PTPDC1: variants seen among roughly 807,000 people sequenced by gnomAD.
PTPDC1 encodes the protein protein tyrosine phosphatase domain containing 1, also known as protein tyrosine phosphatase domain-containing protein 1.
A neutral mutation model predicts 75.3 loss-of-function variants in PTPDC1; 53 were observed. The ratio of observed to expected loss-of-function variants is 0.70; its 90% CI spans 0.56 to 0.88. The LOEUF is 0.88. PTPDC1 is among the 40% of genes least tolerant of loss of function. PTPDC1 has a pLI of 0.00. For missense variants in PTPDC1, 925 were observed against 998.6 expected (o/e 0.93, Z 0.99); for synonymous variants, 349 against 366.2 (o/e 0.95, Z 0.54).
At chr9:94,030,842 G>C (rs1176007633) in exon 1 of PTPDC1, 2 of 152,186 alleles carry the variant, frequency 1.3e-5, no homozygotes, top group Non-Finnish European at 2.9e-5. Context: ...CAGCAGGGGC[G>C]CCCCGCCACG....
chr9:94,072,182 A>G (rs532564558), intron 2 of PTPDC1, among the ~76,000 whole-genome samples: 2 of 152,076 alleles, frequency 1.3e-5, no homozygotes, highest in South Asian at 4.2e-4. Context: ...TAATTTTTGT[A>G]TTTTTAGCAG....
chr9:94,094,315 T>C (rs967307981), intron 4 of PTPDC1, among the ~76,000 whole-genome samples: 2 of 149,962 alleles, frequency 1.3e-5, no homozygotes, highest in Non-Finnish European at 3.0e-5. Flanking sequence ...GACCCTCAGC[T>C]GCAGGTCTGT....
At chr9:94,087,780 G>A (rs1012008067) in intron 2 of PTPDC1, 51 bp from the exon 3 acceptor site, 14 of 1,328,900 alleles carry the variant, frequency 1.1e-5, no homozygotes, top group African/African-American at 1.4e-5. Context: ...TCTTTGGACT[G>A]GAACTTCCTA....
At chr9:94,087,701 C>G (rs1412942273) in intron 2 of PTPDC1, 130 bp from the exon 3 acceptor site, 1 of 664,310 alleles carries the variant, frequency 1.5e-6, no homozygotes, top group Non-Finnish European at 2.7e-6. Context: ...AAAATTTATA[C>G]ACAAAAAAGA....
intron 1 of PTPDC1, among the ~76,000 whole-genome samples, chr9:94,051,942 A>G (rs1825803771): frequency 6.6e-6 from 1 of 152,104 alleles, no homozygotes; most frequent in African/African-American, 2.4e-5. Flanking sequence ...AGGAGGAAGC[A>G]TAGGTTATTG....
At chr9:94,100,264 T>A (rs1827790936) in intron 6 of PTPDC1, 1 of 152,302 alleles carries the variant, frequency 6.6e-6, no homozygotes, top group Non-Finnish European at 1.5e-5. Flanking sequence ...ACACTTTCCA[T>A]TATCCCAAGA....
chr9:94,107,950 A>G lies in PTPDC1; in HGVS notation c.*6A>G, dbSNP rs1462644534. The G allele has an allele frequency of 3.9e-6, 6 of 1,524,968 alleles. No individual in the cohort carries two copies. Among genetic ancestry groups the G allele is most frequent in the Admixed American group, 4.0e-5 (2 of 49,600 alleles). The allele number at this position is 1,524,968 out of a possible 1,614,324, so 94.5% of individuals were successfully genotyped here. On this transcript the variant is annotated 3_prime_UTR_variant, in exon 9 of 9. Coordinates refer to ENST00000620992, the MANE Select transcript of PTPDC1 (RefSeq NM_001253829.2). ...GCCCTAAGCCTGGCCTCTAGCTTTC[A>G]CTCGTGGTGAATATTTCAGACCTAA...
intron 1 of PTPDC1, among the ~76,000 whole-genome samples, chr9:94,048,380 G>C (rs1825682295): frequency 6.6e-6 from 1 of 152,042 alleles, no homozygotes; most frequent in African/African-American, 2.4e-5. Context: ...CTTTGAATGT[G>C]TCCCAGAGAT....
chr9:94,059,095 A>G (rs1197633002), intron 1 of PTPDC1, among the ~76,000 whole-genome samples: 2 of 152,198 alleles, frequency 1.3e-5, no homozygotes, highest in African/African-American at 4.8e-5. Flanking sequence ...GGAGTGAAAG[A>G]AAAGATAATC....
chr9:94,091,920 A>G (rs1446039417), intron 4 of PTPDC1, among the ~76,000 whole-genome samples: 12 of 151,752 alleles, frequency 7.9e-5, no homozygotes, highest in African/African-American at 2.2e-4. Context: ...CTGTGGGATC[A>G]GTGGTGATAT....
intron 1 of PTPDC1, among the ~76,000 whole-genome samples, chr9:94,058,838 A>T (rs1826037103): frequency 6.6e-6 from 1 of 152,106 alleles, no homozygotes; most frequent in South Asian, 2.1e-4. Context: ...AAATACAAAA[A>T]AAATTAGCTG....
In PTPDC1 at chr9:94,108,897, TG is replaced by T. The variant is rs1483498977; in HGVS notation, c.*955del. On this transcript the variant is annotated 3_prime_UTR_variant, in exon 9 of 9. Coordinates refer to ENST00000620992, the MANE Select transcript of PTPDC1 (RefSeq NM_001253829.2). Reference sequence around the variant, plus strand: ...ACAGCCACTCTGCAGAGGTGACTCTTGGAGCTGGAGGAAGTCAAAACTGGGC... The same window carrying T: ...ACAGCCACTCTGCAGAGGTGACTCTTGAGCTGGAGGAAGTCAAAACTGGGC... 1 of 152,386 alleles carries T rather than the reference TG, an allele frequency of 6.6e-6. No individual in the cohort carries two copies. The highest frequency in any genetic ancestry group is 1.5e-5 in the Non-Finnish European group (1 of 68,190). The allele number at this position is 152,386 out of a possible 1,614,324, so 9.4% of individuals were successfully genotyped here. A position where few individuals can be genotyped will look rare whatever the true frequency, so the allele number is the denominator to read the frequency against.
chr9:94,038,577 T>A (rs1322287717), intron 1 of PTPDC1, among the ~76,000 whole-genome samples: 1 of 152,250 alleles, frequency 6.6e-6, no homozygotes, highest in Admixed American at 6.5e-5. Context: ...GTTTACCCCT[T>A]CTAAAAATAT....
intron 4 of PTPDC1, among the ~76,000 whole-genome samples, chr9:94,089,010 T>C (rs1443367767): frequency 2.6e-5 from 4 of 152,154 alleles, no homozygotes; most frequent in African/African-American, 9.7e-5. Context: ...TCGCCATAAT[T>C]CTTTCTGGCT....
chr9:94,094,718 C>A (rs1158862542), intron 4 of PTPDC1, among the ~76,000 whole-genome samples: 1 of 152,242 alleles, frequency 6.6e-6, no homozygotes, highest in African/African-American at 2.4e-5. Context: ...GCTGTGCTAA[C>A]AATCAGCGAG....
intron 1 of PTPDC1, among the ~76,000 whole-genome samples, chr9:94,044,098 A>C (rs1200997679): frequency 6.6e-6 from 1 of 152,132 alleles, no homozygotes; most frequent in Non-Finnish European, 1.5e-5. Context: ...AAATCCTGCA[A>C]CTTTGTTCTT....
chr9:94,043,520 C>G (rs1825494264), intron 1 of PTPDC1, among the ~76,000 whole-genome samples: 1 of 151,984 alleles, frequency 6.6e-6, no homozygotes, highest in Non-Finnish European at 1.5e-5. Flanking sequence ...CTCTTTGCTC[C>G]ACACCTAAAT....
upstream of PTPDC1, chr9:94,084,457 T>C (rs41281148): frequency 2.9e-5 from 46 of 1,582,728 alleles, no homozygotes; most frequent in Non-Finnish European, 3.8e-5. Context: ...CAATGCTCCC[T>C]GCTCTCAGTG....
rs1356761508 is a variant in PTPDC1, at chr9:94,084,751, C to T, written c.221C>T (p.Thr74Ile). The change falls in exon 1 of 9, where the codon ACT becomes ATT. Residue 74 changes from threonine (T) to isoleucine (I), a missense_variant. Physicochemically the swap from Thr to Ile is moderately conservative, Grantham distance 89. Coordinates refer to ENST00000620992, the MANE Select transcript of PTPDC1 (RefSeq NM_001253829.2). ...SSVSHAEGNPTFPERKSKGNL... is the reference protein window; with the variant it reads ...SSVSHAEGNPIFPERKSKGNL... ...GTCAGCCATGCAGAGGGAAACCCAA[C>T]TTTCCCCGAAAGAAAAAGTAAAGGT... The T allele has an allele frequency of 2.5e-6, 4 of 1,579,832 alleles. No homozygotes were observed. The highest frequency in any genetic ancestry group is 1.7e-4 in the Middle Eastern group (1 of 5,884).
Sources: allele counts gnomAD v4.1 joint callset (sites outside exome capture counted in the v4.1 genomes callset), GRCh38; gene constraint gnomAD v4.1.1; transcripts MANE v1.5; gene names NCBI Gene and HGNC (gene_info 2026-07-23, HGNC 2026-07-21).